Variants in TMEM120B observed in about 807,000 individuals in gnomAD.
TMEM120B encodes transmembrane protein 120B.
In TMEM120B, 31 loss-of-function variants were observed where a neutral mutation model predicts 55.5. The ratio of observed to expected loss-of-function variants is 0.56; its 90% CI spans 0.42 to 0.75. The LOEUF (loss-of-function observed/expected upper bound fraction) is 0.75, where lower values mean the gene tolerates loss of function less well. Ranked by LOEUF, TMEM120B falls within the 30% of genes least tolerant of loss-of-function variation. The pLI, the probability that TMEM120B is intolerant of heterozygous loss-of-function variation, is 0.00. For missense variants in TMEM120B, 399 were observed against 425.5 expected, an observed-to-expected ratio of 0.94 and a Z score of 0.55; for synonymous variants, 203 against 176.3, an observed-to-expected ratio of 1.15 and a Z score of -1.20.
intron 5 of TMEM120B, chr12:121,758,667 T>A (rs1485719742): frequency 2.1e-6 from 2 of 960,204 alleles, no homozygotes; most frequent in African/African-American, 3.8e-5. Context: ...GTGGTCACCA[T>A]GGAGGAGGAT....
intron 1 of TMEM120B, among the ~76,000 whole-genome samples, chr12:121,729,621 CAT>C (rs1592927092): frequency 6.7e-6 from 1 of 148,232 alleles, no homozygotes; most frequent in African/African-American, 2.5e-5. Flanking sequence ...GCCTGGGCAA[CAT>C]AGACCATCTC....
rs1327007634 is a variant in TMEM120B, at chr12:121,770,896, C to T, written c.552-11C>T. Reference sequence around the variant, plus strand: ...CCTCCTGAGCACTTTCCGTTCTCTCCCTCTCCCGAGAATTAAAGGCTGGTG... The same window carrying T: ...CCTCCTGAGCACTTTCCGTTCTCTCTCTCTCCCGAGAATTAAAGGCTGGTG... On this transcript the variant is annotated splice_polypyrimidine_tract_variant and intron_variant, in intron 6 of 11. Coordinates refer to ENST00000449592, the MANE Select transcript of TMEM120B (RefSeq NM_001080825.2). 8.7e-6 allele frequency: 14 copies of T among 1,613,928 alleles called. No homozygotes were observed. The highest frequency in any genetic ancestry group is 1.2e-5 in the Non-Finnish European group (14 of 1,179,914).
chr12:121,721,921 G>C (rs1438250253), intron 1 of TMEM120B, among the ~76,000 whole-genome samples: 3 of 142,442 alleles, frequency 2.1e-5, no homozygotes, highest in African/African-American at 2.7e-5. Flanking sequence ...CGATTTTCCT[G>C]CCTCAGCCTC....
At chr12:121,748,870 ATGTT>A (rs1873185605) in intron 3 of TMEM120B, among the ~76,000 whole-genome samples, 1 of 152,178 alleles carries the variant, frequency 6.6e-6, no homozygotes, top group Non-Finnish European at 1.5e-5. Context: ...ACATCAGCGA[ATGTT>A]TGGCCACACC....
chr12:121,716,921 A>G (rs191807364), intron 1 of TMEM120B, among the ~76,000 whole-genome samples: 9 of 152,268 alleles, frequency 5.9e-5, no homozygotes, highest in African/African-American at 2.2e-4. Context: ...AGAAGATTTG[A>G]AAGATCTTTG....
chr12:121,732,014 G>A (rs1302713507), intron 1 of TMEM120B, among the ~76,000 whole-genome samples: 1 of 152,162 alleles, frequency 6.6e-6, no homozygotes, highest in Non-Finnish European at 1.5e-5. Flanking sequence ...GCGGGCGCCT[G>A]TAGCCCCAGC....
intron 1 of TMEM120B, among the ~76,000 whole-genome samples, chr12:121,730,904 G>T (rs1287260006): frequency 6.6e-6 from 1 of 151,882 alleles, no homozygotes; most frequent in African/African-American, 2.4e-5. Context: ...GTTTCGGTGA[G>T]CCGAGATTGC....
At chr12:121,713,251 G>A (rs1460368404) in intron 1 of TMEM120B, among the ~76,000 whole-genome samples, 1 of 152,202 alleles carries the variant, frequency 6.6e-6, no homozygotes, top group Non-Finnish European at 1.5e-5. Context: ...TGGCCTCTGA[G>A]GCAAGTTCCA....
chr12:121,727,902 A>G (rs1894927267), intron 1 of TMEM120B, among the ~76,000 whole-genome samples: 2 of 150,272 alleles, frequency 1.3e-5, no homozygotes, highest in Non-Finnish European at 3.0e-5. Context: ...AGAGATTGGT[A>G]ACAATGAGTC....
chr12:121,756,808 G>A (rs543009147), intron 5 of TMEM120B, among the ~76,000 whole-genome samples: 2 of 152,302 alleles, frequency 1.3e-5, no homozygotes, highest in African/African-American at 4.8e-5. Flanking sequence ...AGAGAGTCAG[G>A]AACAGACCCT....
At chr12:121,746,712 TG>T (rs373224813) in intron 2 of TMEM120B, among the ~76,000 whole-genome samples, 15 of 152,124 alleles carry the variant, frequency 9.9e-5, no homozygotes, top group African/African-American at 3.6e-4. Context: ...CCCAACACTT[TG>T]GGAGGCCGAG....
intron 1 of TMEM120B, among the ~76,000 whole-genome samples, chr12:121,717,046 C>T (rs1894716046): frequency 6.6e-6 from 1 of 152,154 alleles, no homozygotes; most frequent in African/African-American, 2.4e-5. Flanking sequence ...TTCCTGAACC[C>T]TGGGGCACAG....
chr12:121,750,850 C>A (rs1313897517), intron 4 of TMEM120B, among the ~76,000 whole-genome samples: 2 of 135,714 alleles, frequency 1.5e-5, no homozygotes, highest in African/African-American at 2.8e-5. Context: ...ACTCCACACC[C>A]CATACCCACA....
intron 6 of TMEM120B, among the ~76,000 whole-genome samples, chr12:121,765,491 A>G (rs1873818315): frequency 6.6e-6 from 1 of 152,110 alleles, no homozygotes; most frequent in African/African-American, 2.4e-5. Flanking sequence ...TGAGGTTGCA[A>G]TGGAACCATT....
rs142730690 is a variant in TMEM120B, at chr12:121,758,950, G to A, written c.462-2699G>A. 4.6e-4 allele frequency: 455 copies of A among 985,382 alleles called. 2 individuals carry two copies. In the East Asian group the frequency reaches 0.019, roughly 42 times the overall value. The allele number at this position is 985,382 out of a possible 1,614,324, so 61.0% of individuals were successfully genotyped here. The stretch of plus-strand genomic sequence containing the variant: ...ATGGAGGAGGACGGCCCAGCCCCGC[G>A]CTGTGGTCACCATGGAGGAGGAAAA... On this transcript the variant is annotated intron_variant, in intron 5 of 11. Transcript: ENST00000449592.
rs1188263020 is a variant in TMEM120B at position 121,774,700 on chromosome 12, T to C, written c.815T>C (p.Leu272Pro). Residue 272 changes from leucine to proline, a missense_variant, in exon 10 of 12, where the codon CTG (leucine) becomes CCG (proline). Transcript: ENST00000449592. ...SWMWRGLTFL[L>P]PFLFCGHFWQ... is the part of the protein sequence containing the mutation. ...ATGTGGCGGGGCCTCACCTTTCTCC[T>C]GCCCTTCCTCTTCTGTGGCCATGTG... 2.5e-6 allele frequency: 4 copies of C among 1,613,988 alleles called. No individual in the cohort carries two copies. The highest frequency in any genetic ancestry group is 3.4e-6 in the Non-Finnish European group (4 of 1,179,896).
At chr12:121,753,044 G>A (rs1191691148) in intron 5 of TMEM120B, among the ~76,000 whole-genome samples, 1 of 152,110 alleles carries the variant, frequency 6.6e-6, no homozygotes, top group Admixed American at 6.6e-5. Context: ...GGAGTTTGAG[G>A]CTGCAGTGAG....
chr12:121,769,536 T>A lies in TMEM120B; in HGVS notation c.552-1371T>A, dbSNP rs1159814709. Among the ~76,000 whole-genome samples, 5 of 150,440 alleles carry A rather than the reference T, an allele frequency of 3.3e-5. No homozygotes were observed. In the East Asian group the frequency reaches 9.7e-4, roughly 29 times the overall value. On this transcript the variant is annotated intron_variant, in intron 6 of 11. Transcript: ENST00000449592. Reference sequence around the variant, plus strand: ...GTCGGGGCAACATAGCAAGACCCTGTCTCTAAAAAAAAAAAAATTTAGCTG... The same window carrying A: ...GTCGGGGCAACATAGCAAGACCCTGACTCTAAAAAAAAAAAAATTTAGCTG...
chr12:121,753,029 G>T (rs1021193576), intron 5 of TMEM120B, among the ~76,000 whole-genome samples: 2 of 152,124 alleles, frequency 1.3e-5, no homozygotes, highest in Non-Finnish European at 2.9e-5. Flanking sequence ...GACTGTTTGA[G>T]TCCAGGAGTT....
Sources: allele counts gnomAD v4.1 joint callset (sites outside exome capture counted in the v4.1 genomes callset), GRCh38; gene constraint gnomAD v4.1.1; transcripts MANE v1.5; gene names NCBI Gene and HGNC (gene_info 2026-07-23, HGNC 2026-07-21).